The following TPP2 variants were observed in gnomAD, a reference collection of about 807,000 sequenced individuals.
TPP2 encodes the protein tripeptidyl peptidase 2.
Under a neutral mutation model 155.9 loss-of-function variants are expected in TPP2, and 34 were observed. That is an observed-to-expected ratio of 0.22 (90% confidence interval 0.17 to 0.29). TPP2 has a LOEUF of 0.29. TPP2 is among the 10% of genes least tolerant of loss of function. The pLI, the probability that TPP2 is intolerant of heterozygous loss-of-function variation, is 1.00. For synonymous variants in TPP2, 510 were observed against 529.4 expected, an observed-to-expected ratio of 0.96 and a Z score of 0.50; for missense variants, 1,028 against 1,522.3, an observed-to-expected ratio of 0.68 and a Z score of 5.40.
intron 1 of TPP2, among the ~76,000 whole-genome samples, chr13:102,602,307 C>G (rs545420060): frequency 1.3e-5 from 2 of 152,162 alleles, no homozygotes; most frequent in East Asian, 3.9e-4. Flanking sequence ...GACATATAGC[C>G]TATCTCTTCA....
At chr13:102,671,636 G>A (rs374726761) in intron 27 of TPP2, among the ~76,000 whole-genome samples, 8 of 152,184 alleles carry the variant, frequency 5.3e-5, no homozygotes, top group South Asian at 2.1e-4. Flanking sequence ...TCAATTTTGC[G>A]TTACCAGGCA....
At chr13:102,621,395 T>G (rs1881155495) in intron 5 of TPP2, among the ~76,000 whole-genome samples, 1 of 152,152 alleles carries the variant, frequency 6.6e-6, no homozygotes, top group Non-Finnish European at 1.5e-5. Flanking sequence ...TGAACCAGTC[T>G]AGGAAGAATC....
chr13:102,657,467 A>G (rs1883936473), intron 25 of TPP2, among the ~76,000 whole-genome samples: 1 of 151,914 alleles, frequency 6.6e-6, no homozygotes, highest in South Asian at 2.1e-4. Flanking sequence ...ATTGGAAAGT[A>G]TAAAAAAGAA....
At chr13:102,612,868 T>C (rs1445516142) in intron 2 of TPP2, among the ~76,000 whole-genome samples, 1 of 152,272 alleles carries the variant, frequency 6.6e-6, no homozygotes, top group Non-Finnish European at 1.5e-5. Context: ...AATTAGTTAC[T>C]TCATTTAATC....
chr13:102,674,916 C>A (rs676266), intron 28 of TPP2, among the ~76,000 whole-genome samples: 98,092 of 151,980 alleles, frequency 0.65, 33,005 homozygotes, highest in African/African-American at 0.86. Flanking sequence ...TTGAATTTCT[C>A]AGTAATTATC....
At chr13:102,633,799 T>G in intron 10 of TPP2, 151 bp from the exon 11 acceptor site, 1 of 1,142,284 alleles carries the variant, frequency 8.8e-7, no homozygotes, top group Non-Finnish European at 1.2e-6. Flanking sequence ...CCCCCATTGA[T>G]TCTTCATAGT....
At chr13:102,642,655 A>G (rs537232815) in intron 16 of TPP2, among the ~76,000 whole-genome samples, 1 of 152,116 alleles carries the variant, frequency 6.6e-6, no homozygotes, top group Non-Finnish European at 1.5e-5. Context: ...TCTTTAGAAA[A>G]GCTGCCAATC....
chr13:102,636,128 T>C (rs1595170906), intron 12 of TPP2, 96 bp from the exon 13 acceptor site: 12 of 1,276,054 alleles, frequency 9.4e-6, no homozygotes, highest in African/African-American at 7.5e-5. Context: ...CACTAACTTT[T>C]TGTTTTACAA....
intron 7 of TPP2, 25 bp downstream of exon 7, chr13:102,627,191 CAGA>C (rs1237254240): frequency 2.0e-6 from 3 of 1,537,080 alleles, no homozygotes; most frequent in East Asian, 2.4e-5. Context: ...GTTGTTGATT[CAGA>C]AGATTAATGA....
intron 1 of TPP2, among the ~76,000 whole-genome samples, chr13:102,599,373 C>T (rs1879252927): frequency 6.6e-6 from 1 of 152,116 alleles, no homozygotes; most frequent in South Asian, 2.1e-4. Context: ...GGTACGGTGG[C>T]TTGCAAACGT....
chr13:102,618,810 A>G lies in TPP2; in HGVS notation c.584A>G (p.Tyr195Cys), dbSNP rs1880935268. ...AAATACAGCGATCCTGGCCCTGTATATGACTGCTTGGTATGGCATGATGGC... is the reference window on the plus strand; with the variant it reads ...AAATACAGCGATCCTGGCCCTGTATGTGACTGCTTGGTATGGCATGATGGC... ...EKKYSDPGPV[Y>C]DCLVWHDGEV... The change falls in exon 5 of 30, where the codon TAT (tyrosine) becomes TGT (cysteine). Residue 195 changes from tyrosine (Y) to cysteine (C), a missense_variant. Around this residue, in one of 7 missense-constraint regions of TPP2, gnomAD observed 300 missense variants for 398.3 expected, o/e 0.75. Transcript: ENST00000376052. 5 of 1,613,538 alleles carry G rather than the reference A, an allele frequency of 3.1e-6. No individual in the cohort carries two copies. The highest frequency in any genetic ancestry group is 4.5e-5 in the East Asian group (2 of 44,856).
In TPP2 at chr13:102,674,425, C is replaced by T. The variant is rs777188578; in HGVS notation, c.3514C>T (p.Pro1172Ser). The T allele has an allele frequency of 2.5e-6, 4 of 1,613,724 alleles. No homozygotes were observed. Among genetic ancestry groups the T allele is most frequent in the Non-Finnish European group, 2.5e-6 (3 of 1,179,852 alleles). Residue 1172 changes from proline to serine, a missense_variant, in exon 28 of 30, where the codon CCT becomes TCT. Pro to Ser is a moderately conservative substitution (Grantham distance 74). This residue lies in a region of TPP2 where 116 missense variants were observed against 117.3 expected (regional missense o/e 0.99). Transcript: ENST00000376052. ...AEGKEEEGES[P>S]LDSLAETFWE... ...AGGAAAGGAGGAGGAAGGAGAAAGT[C>T]CTTTGGATTCTCTGGCAGAAACATT... is the stretch of plus-strand genomic sequence containing the variant.
At chr13:102,611,369 G>C (rs768197375) in intron 2 of TPP2, among the ~76,000 whole-genome samples, 27 of 152,244 alleles carry the variant, frequency 1.8e-4, no homozygotes, top group Non-Finnish European at 3.4e-4. Flanking sequence ...TCTTGACCAA[G>C]TGTCTGTATT....
intron 10 of TPP2, among the ~76,000 whole-genome samples, chr13:102,633,749 T>C (rs1882181906): frequency 6.6e-6 from 1 of 152,136 alleles, no homozygotes; most frequent in African/African-American, 2.4e-5. Context: ...AAGGAAAAAA[T>C]AAATGCTGCC....
chr13:102,633,497 CTTTTT>C (rs1019259866), intron 10 of TPP2, among the ~76,000 whole-genome samples: 9 of 152,024 alleles, frequency 5.9e-5, no homozygotes, highest in African/African-American at 2.2e-4. Flanking sequence ...GTCTTGTTAG[CTTTTT>C]TTAAGTGTGG....
chr13:102,613,495 T>C (rs1158375261), intron 2 of TPP2, among the ~76,000 whole-genome samples: 2 of 152,246 alleles, frequency 1.3e-5, no homozygotes, highest in Non-Finnish European at 2.9e-5. Context: ...TTCACTTTTT[T>C]GTTCACAAGA....
In TPP2 at chr13:102,674,369, C is replaced by G. The variant is rs200468134; in HGVS notation, c.3458C>G (p.Ala1153Gly). 3 of 1,613,952 alleles carry G rather than the reference C, an allele frequency of 1.9e-6. No individual in the cohort carries two copies. The East Asian group carries it at 6.7e-5, about 36-fold the overall frequency. Residue 1153 changes from alanine to glycine, a missense_variant, in exon 28 of 30, where the codon GCT becomes GGT. Coordinates refer to ENST00000376052, the MANE Select transcript of TPP2 (RefSeq NM_001330588.2). ...GCAGACCATCTTCTTCACACCCAGG[C>G]TCAAGACGGAGCCATTTCCACTGAT... ...ALADHLLHTQ[A>G]QDGAISTDAE...
intron 2 of TPP2, among the ~76,000 whole-genome samples, chr13:102,605,844 C>T (rs1879786915): frequency 6.6e-6 from 1 of 152,040 alleles, no homozygotes; most frequent in Non-Finnish European, 1.5e-5. Context: ...CTGCCTCAGC[C>T]TCCCAATTAG....
chr13:102,642,084 C>T lies in TPP2; in HGVS notation c.2021-1138C>T, dbSNP rs147698211. Among the ~76,000 whole-genome samples, 469 of 152,296 alleles carry T rather than the reference C, an allele frequency of 3.1e-3. 3 individuals are homozygous for T. The highest frequency in any genetic ancestry group is 0.011 in the African/African-American group (442 of 41,562). ...CCATACGCTAATGGTTACCTGGGGGCAGGTTTCTAAATTTTCTGGACTTCT... is the reference window on the plus strand; with the variant it reads ...CCATACGCTAATGGTTACCTGGGGGTAGGTTTCTAAATTTTCTGGACTTCT... On this transcript the variant is annotated intron_variant, in intron 16 of 29. Transcript: ENST00000376052.
Sources: gnomAD v4.1 joint callset for allele counts (sites outside exome capture counted in the v4.1 genomes callset) on GRCh38, gnomAD v4.1.1 for gene constraint, gnomAD v4.1.1 regional missense constraint, MANE v1.5 for transcripts, NCBI Gene and HGNC (gene_info 2026-07-23, HGNC 2026-07-21) for gene names.